PRMT7: variants seen among roughly 807,000 people sequenced by gnomAD.
PRMT7 encodes the protein protein arginine N-methyltransferase 7.
PRMT7 carries 75 observed loss-of-function variants against 85.4 expected under a neutral mutation model. The ratio of observed to expected loss-of-function variants is 0.88; its 90% confidence interval spans 0.73 to 1.06. The LOEUF is 1.06. PRMT7 is among the 50% of genes least tolerant of loss of function. PRMT7 has a pLI of 0.00. For missense variants in PRMT7, 868 were observed against 915.2 expected (o/e 0.95, Z 0.67); for synonymous variants, 397 against 359.5 (o/e 1.10, Z -1.18).
Position 68,339,391 on chromosome 16 carries a change from T to C in PRMT7, c.574T>C (p.Ser192Pro). ...GCTGGTGGAGTCCGGGAGGATGTGG[T>C]CGTGGAACAAGCTATTTCCCATCCA... ...AQLVESGRMW[S>P]WNKLFPIHVQ... The change falls in exon 8 of 19, where the codon TCG becomes CCG. Residue 192 changes from serine (S) to proline (P), a missense_variant. By Grantham distance (74) the Ser-to-Pro change is moderately conservative. Transcript: ENST00000441236. 6.2e-7 allele frequency: 1 copy of C among 1,614,148 alleles called. No individual in the cohort carries two copies. Among genetic ancestry groups the C allele is most frequent in the Non-Finnish European group, 8.5e-7 (1 of 1,180,022 alleles).
intron 14 of PRMT7, among the ~76,000 whole-genome samples, chr16:68,348,878 A>G (rs138982037): frequency 2.7e-3 from 410 of 151,996 alleles, no homozygotes; most frequent in South Asian, 4.4e-3. Context: ...GGCTCATGCG[A>G]TCTGCCAGTC....
intron 6 of PRMT7, among the ~76,000 whole-genome samples, chr16:68,331,727 G>A (rs965337574): frequency 6.6e-6 from 1 of 152,184 alleles, no homozygotes; most frequent in Non-Finnish European, 1.5e-5. Context: ...TCCCACCTCA[G>A]CATCCCAAAG....
chr16:68,348,296 C>G, intron 13 of PRMT7, 46 bp from the exon 14 acceptor site: 1 of 1,436,020 alleles, frequency 7.0e-7, no homozygotes, highest in Non-Finnish European at 9.7e-7. Flanking sequence ...CTGACAAACA[C>G]AATACTTTAG....
At chr16:68,338,138 G>A (rs1443774833) in intron 7 of PRMT7, among the ~76,000 whole-genome samples, 2 of 152,160 alleles carry the variant, frequency 1.3e-5, no homozygotes, top group Non-Finnish European at 2.9e-5. Flanking sequence ...ACTTATGCAG[G>A]CAGATGTGTG....
chr16:68,343,732 CTATT>C (rs2085894308), intron 9 of PRMT7, among the ~76,000 whole-genome samples: 1 of 152,168 alleles, frequency 6.6e-6, no homozygotes, highest in Non-Finnish European at 1.5e-5. Flanking sequence ...ATTCCTGTTA[CTATT>C]TATTTTTCCA....
intron 5 of PRMT7, among the ~76,000 whole-genome samples, chr16:68,326,664 G>A (rs2083156004): frequency 6.6e-6 from 1 of 152,198 alleles, no homozygotes; most frequent in Non-Finnish European, 1.5e-5. Flanking sequence ...TCTGGCAAGA[G>A]GGATTCAGTT....
At chr16:68,349,781 G>A (rs746517317) in intron 14 of PRMT7, among the ~76,000 whole-genome samples, 7 of 152,192 alleles carry the variant, frequency 4.6e-5, no homozygotes, top group Non-Finnish European at 7.3e-5. Context: ...GTAGTCCCAG[G>A]AGGCTGAGGT....
Position 68,337,487 on chromosome 16 carries a change from C to T in PRMT7, c.420C>T (p.Ile140=). 6.2e-7 allele frequency: 1 copy of T among 1,611,568 alleles called. No homozygotes were observed. Among genetic ancestry groups the T allele is most frequent in the South Asian group, 1.1e-5 (1 of 90,696 alleles). Reference sequence around the variant, plus strand: ...GTGACATGCCATGCCGTGCCAACATCCTGGTCACAGAGTTGTTTGACACAG... The same window carrying T: ...GTGACATGCCATGCCGTGCCAACATTCTGGTCACAGAGTTGTTTGACACAG... The part of the protein sequence containing the change: ...PEGDMPCRAN[I]LVTELFDTEL... Residue 140 remains isoleucine, a synonymous_variant, in exon 7 of 19, where the codon ATC becomes ATT. Coordinates refer to ENST00000441236, the MANE Select transcript of PRMT7 (RefSeq NM_019023.5).
intron 14 of PRMT7, among the ~76,000 whole-genome samples, chr16:68,348,909 G>A (rs2086841951): frequency 6.6e-6 from 1 of 152,048 alleles, no homozygotes; most frequent in Non-Finnish European, 1.5e-5. Context: ...AAAGTGTCGG[G>A]GTTACAGGCA....
chr16:68,352,481 C>T, intron 15 of PRMT7, 72 bp downstream of exon 15: 1 of 1,482,436 alleles, frequency 6.7e-7, no homozygotes, highest in Non-Finnish European at 9.1e-7. Flanking sequence ...CTTGCAGGAA[C>T]CTTGGGTGCC....
chr16:68,355,689 T>C (rs1204102952), intron 16 of PRMT7, 34 bp from the exon 17 acceptor site: 3 of 1,492,674 alleles, frequency 2.0e-6, no homozygotes, highest in Non-Finnish European at 1.8e-6. Context: ...TGCCGGCCTG[T>C]CTCTGCAGCC....
Position 68,352,489 on chromosome 16 carries a change from G to A in PRMT7, c.1575+80G>A, listed in dbSNP as rs1046423167. ...TTGTTTTCTTGCAGGAACCTTGGGTGCCTGTAGAGCGGCTCAGGCCTTGAT... is the reference window on the plus strand; with the variant it reads ...TTGTTTTCTTGCAGGAACCTTGGGTACCTGTAGAGCGGCTCAGGCCTTGAT... On this transcript the variant is annotated intron_variant, in intron 15 of 18. Transcript: ENST00000441236. 4.4e-5 allele frequency: 62 copies of A among 1,413,458 alleles called. 1 individual carries two copies. The Middle Eastern group carries it at 5.4e-4, about 12-fold the overall frequency. The allele number at this position is 1,413,458 out of a possible 1,614,324, so 87.6% of individuals were successfully genotyped here.
chr16:68,343,592 G>GT (rs1396201010), intron 9 of PRMT7, among the ~76,000 whole-genome samples: 1 of 152,214 alleles, frequency 6.6e-6, no homozygotes, highest in Non-Finnish European at 1.5e-5. Context: ...GTGGTAGGTA[G>GT]TATGGGAAGG....
Position 68,311,067 on chromosome 16 carries a change from C to T in PRMT7, c.-251C>T. ...GTGCTGGCCGCGGTAAAAGTGGTAG[C>T]AGCGGAGGCGAGCGGAGGGTTTCCC... On this transcript the variant is annotated 5_prime_UTR_variant, in exon 1 of 19. Transcript: ENST00000441236. 2.5e-6 allele frequency: 2 copies of T among 811,292 alleles called. No homozygotes were observed. Among genetic ancestry groups the T allele is most frequent in the East Asian group, 2.7e-5 (1 of 37,722 alleles). 50.3% of individuals were successfully genotyped at this position (811,292 alleles called of 1,614,324 possible).
At chr16:68,316,145 C>T in intron 3 of PRMT7, 71 bp downstream of exon 3, 2 of 1,341,674 alleles carry the variant, frequency 1.5e-6, no homozygotes, top group Non-Finnish European at 2.1e-6. Flanking sequence ...CCTTGGGCTC[C>T]AGTCTGAGCG....
At chr16:68,328,108 A>T (rs2083345019) in intron 5 of PRMT7, 2 of 310,446 alleles carry the variant, frequency 6.4e-6, no homozygotes, top group South Asian at 2.5e-5. Context: ...GTCATAGGTA[A>T]GCTTGGAGGC....
At chr16:68,322,286 A>T (rs1017580203) in intron 4 of PRMT7, 3 of 330,672 alleles carry the variant, frequency 9.1e-6, no homozygotes, top group African/African-American at 2.2e-5. Flanking sequence ...TGCAGCCTAG[A>T]CTTCTTGGGC....
At chr16:68,319,123 G>C (rs2082198376) in intron 3 of PRMT7, 1 of 152,254 alleles carries the variant, frequency 6.6e-6, no homozygotes, top group African/African-American at 2.4e-5. Context: ...ACACGATGGA[G>C]ATTAGGCGTT....
At position 68,356,851 on chromosome 16, in the gene PRMT7, G is replaced by A. The variant is rs112337342; in HGVS notation, c.1908+54G>A. The A allele has an allele frequency of 3.5e-3, 5,358 of 1,511,746 alleles. 188 individuals carry two copies. The African/African-American group carries it at 0.064, about 18-fold the overall frequency. The allele number at this position is 1,511,746 out of a possible 1,614,324, so 93.6% of individuals were successfully genotyped here. On this transcript the variant is annotated intron_variant, in intron 18 of 18. Transcript: ENST00000441236. ...CGTGCAGACCCTGAGAGCAGGCGCC[G>A]CCTGGGGAGGCCTCCCTGCCCCCAT... is the stretch of plus-strand genomic sequence containing the variant.
Sources: gnomAD v4.1 joint callset for allele counts (sites outside exome capture counted in the v4.1 genomes callset) on GRCh38, gnomAD v4.1.1 for gene constraint, MANE v1.5 for transcripts, NCBI Gene and HGNC (gene_info 2026-07-23, HGNC 2026-07-21) for gene names.